GOLGB1: variants seen among roughly 807,000 people sequenced by gnomAD.
GOLGB1 encodes the protein golgin subfamily B member 1.
Under a neutral mutation model 336.9 loss-of-function variants are expected in GOLGB1, and 174 were observed. The observed-to-expected ratio is 0.52, with a 90% confidence interval of 0.46 to 0.59. The LOEUF is 0.59. Ranked by LOEUF, GOLGB1 falls within the 20% of genes least tolerant of loss-of-function variation. GOLGB1 has a pLI of 0.00. For missense variants in GOLGB1, 3,331 were observed against 3,645.3 expected (o/e 0.91, Z 2.22); for synonymous variants, 1,208 against 1,289.2 (o/e 0.94, Z 1.35).
Position 121,664,375 on chromosome 3 carries a change from A to C in GOLGB1, c.*105T>G. 2 of 1,013,238 alleles carry C rather than the reference A, an allele frequency of 2.0e-6. No individual in the cohort carries two copies. The highest frequency in any genetic ancestry group is 3.1e-6 in the Non-Finnish European group (2 of 649,102). 62.8% of individuals were successfully genotyped at this position (1,013,238 alleles called of 1,614,324 possible). ...CACTTTCCGTGAAGAGTTGGAGAGA[A>C]GACCTGTAAATGGGAAGACTGTTCC... is the stretch of plus-strand genomic sequence containing the variant. On this transcript the variant is annotated 3_prime_UTR_variant, in exon 22 of 22. Coordinates refer to ENST00000614479, the MANE Select transcript of GOLGB1 (RefSeq NM_001366282.2).
chr3:121,721,384 T>C (rs958218588), intron 6 of GOLGB1, among the ~76,000 whole-genome samples: 1 of 152,132 alleles, frequency 6.6e-6, no homozygotes, highest in Non-Finnish European at 1.5e-5. Context: ...CCCAGCACTT[T>C]GGGAGGCCGA....
chr3:121,745,456 A>G (rs1361885302), intron 1 of GOLGB1, among the ~76,000 whole-genome samples: 1 of 132,096 alleles, frequency 7.6e-6, no homozygotes, highest in Non-Finnish European at 1.6e-5. Flanking sequence ...GTACACGTGT[A>G]TGTATATATA....
chr3:121,667,414 T>C, intron 20 of GOLGB1, 62 bp downstream of exon 20: 5 of 1,506,228 alleles, frequency 3.3e-6, no homozygotes, highest in Non-Finnish European at 4.5e-6. Context: ...TGGCAGGAAA[T>C]GTACATGAGT....
At chr3:121,681,441 A>G (rs961502775) in intron 15 of GOLGB1, among the ~76,000 whole-genome samples, 12 of 152,280 alleles carry the variant, frequency 7.9e-5, no homozygotes, top group African/African-American at 2.4e-4. Context: ...ATTGCATAGA[A>G]CCACACACAC....
chr3:121,740,773 A>AAAAGC (rs1293981621), intron 1 of GOLGB1, among the ~76,000 whole-genome samples: 1 of 152,232 alleles, frequency 6.6e-6, no homozygotes, highest in Non-Finnish European at 1.5e-5. Context: ...CCTGAAGAAG[A>AAAAGC]AAAGCAAAGC....
In GOLGB1 at chr3:121,729,804, G is replaced by C. The variant is rs556806422; in HGVS notation, c.249+61C>G. The C allele has an allele frequency of 4.9e-6, 6 of 1,218,740 alleles. No homozygotes were observed. The South Asian group carries it at 8.0e-5, about 16-fold the overall frequency. 75.5% of individuals were successfully genotyped at this position (1,218,740 alleles called of 1,614,324 possible). A position where few individuals can be genotyped will look rare whatever the true frequency, so the allele number is the denominator to read the frequency against. On this transcript the variant is annotated intron_variant, in intron 3 of 21. Transcript: ENST00000614479. ...TCTAAGTGGAGACAAAAATTAAAGTGAGTAGTGTATCATCTGTCCTTTATC... is the reference window on the plus strand; with the variant it reads ...TCTAAGTGGAGACAAAAATTAAAGTCAGTAGTGTATCATCTGTCCTTTATC...
At position 121,717,054 on chromosome 3, in the gene GOLGB1, A is replaced by G; in HGVS notation, c.971T>C (p.Ile324Thr). 1 of 1,613,164 alleles carries G rather than the reference A, an allele frequency of 6.2e-7. No homozygotes were observed. The highest frequency in any genetic ancestry group is 8.5e-7 in the Non-Finnish European group (1 of 1,179,132). The change falls in exon 9 of 22, where the codon ATT becomes ACT. Residue 324 changes from isoleucine (I) to threonine (T), a missense_variant. Ile to Thr is a moderately conservative substitution (Grantham distance 89). Transcript: ENST00000614479. ...TTCAAGTTCCATCTTTTCCAGTAGA[A>G]TCTTGGACTCCTCTCTTTCTGTTTC... is the stretch of plus-strand genomic sequence containing the variant. ...TVETEREESK[I>T]LLEKMELEVA...
At chr3:121,738,073 T>G (rs879709725) in intron 1 of GOLGB1, among the ~76,000 whole-genome samples, 4 of 152,206 alleles carry the variant, frequency 2.6e-5, no homozygotes, top group African/African-American at 4.8e-5. Flanking sequence ...TTCTAAACTT[T>G]CTTTTCAACT....
At position 121,681,688 on chromosome 3, in the gene GOLGB1, T is replaced by G; in HGVS notation, c.8872A>C (p.Arg2958=). 1.3e-6 allele frequency: 2 copies of G among 1,586,064 alleles called. No homozygotes were observed. Among genetic ancestry groups the G allele is most frequent in the Non-Finnish European group, 1.7e-6 (2 of 1,160,928 alleles). Residue 2958 remains arginine, a splice_region_variant and synonymous_variant, in exon 15 of 22, where the codon AGG becomes CGG. Transcript: ENST00000614479. Reference sequence around the variant, plus strand: ...AAAAGGAGGGATTATATATAGTACCTGAGCTGATGCAGCTCATGCTGCCAG... The same window carrying G: ...AAAAGGAGGGATTATATATAGTACCGGAGCTGATGCAGCTCATGCTGCCAG... ...LSWQHELHQL[R]MEKSSWEIHE...
At chr3:121,678,806 C>T (rs942661652) in intron 15 of GOLGB1, among the ~76,000 whole-genome samples, 1 of 152,130 alleles carries the variant, frequency 6.6e-6, no homozygotes, top group Non-Finnish European at 1.5e-5. Context: ...CCTGCCTTGG[C>T]CTCCCAAAGT....
intron 10 of GOLGB1, among the ~76,000 whole-genome samples, chr3:121,707,380 G>C (rs575207714): frequency 5.3e-5 from 8 of 152,032 alleles, no homozygotes; most frequent in African/African-American, 1.9e-4. Context: ...CCAGCACTCT[G>C]GGAGGCCAAG....
At chr3:121,669,627 T>C (rs565932979) in intron 17 of GOLGB1, among the ~76,000 whole-genome samples, 38 of 152,148 alleles carry the variant, frequency 2.5e-4, no homozygotes, top group Non-Finnish European at 5.0e-4. Flanking sequence ...TGAAAAACCA[T>C]GAAGCAGAAG....
In GOLGB1 at chr3:121,698,469, T is replaced by C. The variant is rs1943135733; in HGVS notation, c.2054A>G (p.Gln685Arg). The change falls in exon 13 of 22, where the codon CAG becomes CGG. Residue 685 changes from glutamine to arginine, a missense_variant. Transcript: ENST00000614479. ...KSLSAVPDIG[Q>R]CHQDELERLK... is the part of the protein sequence containing the mutation. ...CCTTTCCAACTCATCCTGATGACAC[T>C]GACCAATATCTGGTACAGCAGAAAG... The C allele has an allele frequency of 6.2e-7, 1 of 1,613,752 alleles. No homozygotes were observed. Among genetic ancestry groups the C allele is most frequent in the Non-Finnish European group, 8.5e-7 (1 of 1,179,804 alleles).
rs148642984 is a variant in GOLGB1, at chr3:121,698,133, T to C, written c.2390A>G (p.Asn797Ser). The change falls in exon 13 of 22, where the codon AAC becomes AGC. Residue 797 changes from asparagine to serine, a missense_variant. By Grantham distance (46) the Asn-to-Ser change is conservative (BLOSUM62 1). Coordinates refer to ENST00000614479, the MANE Select transcript of GOLGB1 (RefSeq NM_001366282.2). The stretch of plus-strand genomic sequence containing the variant: ...ACTATGGATCTGTTCAGTGAGCAGG[T>C]TGTCATGGGCAGTTTGGCTTTCATA... The part of the protein sequence containing the change: ...LDYESQTAHD[N>S]LLTEQIHSLS... 7.0e-5 allele frequency: 113 copies of C among 1,613,880 alleles called. No individual in the cohort carries two copies. In the African/African-American group the frequency reaches 1.3e-3, roughly 18 times the overall value.
Position 121,698,105 on chromosome 3 carries a change from G to C in GOLGB1, c.2418C>G (p.Leu806=). Residue 806 remains leucine, a synonymous_variant, in exon 13 of 22, where the codon CTC becomes CTG. Transcript: ENST00000614479. ...DNLLTEQIHS[L]SIEAKSKDVK... is the part of the protein sequence containing the mutation. ...CATCTTTAGATTTGGCTTCTATGCT[G>C]AGACTATGGATCTGTTCAGTGAGCA... is the stretch of plus-strand genomic sequence containing the variant. The C allele has an allele frequency of 6.2e-7, 1 of 1,613,950 alleles. No homozygotes were observed. The highest frequency in any genetic ancestry group is 8.5e-7 in the Non-Finnish European group (1 of 1,179,948).
At chr3:121,728,024 T>C (rs1006385625) in intron 4 of GOLGB1, among the ~76,000 whole-genome samples, 2 of 152,152 alleles carry the variant, frequency 1.3e-5, no homozygotes, top group Non-Finnish European at 2.9e-5. Context: ...ATAAAATGGA[T>C]AATTTAAAAA....
At chr3:121,678,591 A>G (rs1940692215) in intron 15 of GOLGB1, among the ~76,000 whole-genome samples, 1 of 151,052 alleles carries the variant, frequency 6.6e-6, no homozygotes, top group Non-Finnish European at 1.5e-5. Context: ...TTTTTGAAAC[A>G]GGGTCTCACT....
At chr3:121,741,029 T>C (rs1056476630) in intron 1 of GOLGB1, among the ~76,000 whole-genome samples, 2 of 151,868 alleles carry the variant, frequency 1.3e-5, no homozygotes, top group Non-Finnish European at 2.9e-5. Flanking sequence ...ACAGCAATGT[T>C]TTTGCCAGAA....
intron 17 of GOLGB1, among the ~76,000 whole-genome samples, chr3:121,673,031 G>A (rs13316897): frequency 0.013 from 1,964 of 151,418 alleles, 41 homozygotes; most frequent in African/African-American, 0.044. Flanking sequence ...AACAGGTAGT[G>A]TGATGCTTCC....
Sources: gnomAD v4.1 joint callset for allele counts (sites outside exome capture counted in the v4.1 genomes callset) on GRCh38, gnomAD v4.1.1 for gene constraint, MANE v1.5 for transcripts, NCBI Gene and HGNC (gene_info 2026-07-23, HGNC 2026-07-21) for gene names.